CLSPN: variants seen among roughly 807,000 people sequenced by gnomAD.
The protein encoded by CLSPN is claspin, also known as claspin homolog.
Under a neutral mutation model 156.3 loss-of-function variants are expected in CLSPN, and 85 were observed. That is an observed-to-expected ratio of 0.54 (90% CI 0.46 to 0.65). The LOEUF (loss-of-function observed/expected upper bound fraction) is 0.65. Among genes scored for constraint, CLSPN ranks in the 30% least tolerant of loss-of-function variants. The probability of loss-of-function intolerance (pLI) is 0.00; values close to 1 mark genes in which losing one functional copy is unlikely to be tolerated. For missense variants in CLSPN, 1,407 were observed against 1,554.9 expected (o/e 0.90, Z 1.60); for synonymous variants, 534 against 542.4 (o/e 0.98, Z 0.22).
At position 35,735,792 on chromosome 1, in the gene CLSPN, G is replaced by A. The variant is rs1641449043; in HGVS notation, c.*704C>T. On this transcript the variant is annotated 3_prime_UTR_variant, in exon 25 of 25. Transcript: ENST00000318121. ...GGTGTAAAGGAGTCATTATGGTACT[G>A]ATTTTCACTGTTTAATCTGTAATGT... 1 of 985,046 alleles carries A rather than the reference G, an allele frequency of 1.0e-6. No individual in the cohort carries two copies. The highest frequency in any genetic ancestry group is 1.2e-6 in the Non-Finnish European group (1 of 829,888). The allele number at this position is 985,046 out of a possible 1,614,324, so 61.0% of individuals were successfully genotyped here. A position where few individuals can be genotyped will look rare whatever the true frequency, so the allele number is the denominator to read the frequency against.
intron 8 of CLSPN, among the ~76,000 whole-genome samples, chr1:35,754,612 G>T (rs1274254613): frequency 6.6e-6 from 1 of 152,166 alleles, no homozygotes; most frequent in Non-Finnish European, 1.5e-5. Context: ...CTCCCAAAGT[G>T]CTGGGATCAA....
chr1:35,731,590 G>A (rs1182373335), downstream of CLSPN, among the ~76,000 whole-genome samples: 1 of 152,160 alleles, frequency 6.6e-6, no homozygotes, highest in East Asian at 1.9e-4. Flanking sequence ...AAGTGGGGGG[G>A]TCAGGAGGCT....
In CLSPN at chr1:35,733,061, T is replaced by G; in HGVS notation, c.*3435A>C. ...CTCACTGCAACCTCTGCCTCCCAGG[T>G]TCAAGCAATTCTCTTGTCTCAGCCT... is the stretch of plus-strand genomic sequence containing the variant. On this transcript the variant is annotated 3_prime_UTR_variant, in exon 25 of 25. Coordinates refer to ENST00000318121, the MANE Select transcript of CLSPN (RefSeq NM_022111.4). The G allele has an allele frequency of 5.5e-6, 3 of 540,888 alleles. No homozygotes were observed. The highest frequency in any genetic ancestry group is 7.1e-6 in the Non-Finnish European group (3 of 424,456). 33.5% of individuals were successfully genotyped at this position (540,888 alleles called of 1,614,324 possible).
intron 8 of CLSPN, 119 bp from the exon 9 acceptor site, chr1:35,754,055 G>A: frequency 2.4e-6 from 2 of 836,896 alleles, no homozygotes; most frequent in Non-Finnish European, 1.8e-6. Flanking sequence ...CATACACAGA[G>A]AAACCAAAAA....
chr1:35,740,021 C>G (rs1475105076), intron 18 of CLSPN, among the ~76,000 whole-genome samples: 1 of 152,162 alleles, frequency 6.6e-6, no homozygotes, highest in African/African-American at 2.4e-5. Context: ...GGTAGCAGAG[C>G]CTGGATTCAA....
chr1:35,728,077 C>CTTTTTTTTTTTTTTT (rs59275877), downstream of CLSPN, among the ~76,000 whole-genome samples: 3 of 103,982 alleles, frequency 2.9e-5, no homozygotes, highest in Non-Finnish European at 1.9e-5. Context: ...AAACCACAAG[C>CTTTTTTTTTTTTTTT]TTTTTTTTTT....
Position 35,739,538 on chromosome 1 carries a change from C to T in CLSPN, c.3144-9G>A, listed in dbSNP as rs761774424. 1 of 1,607,162 alleles carries T rather than the reference C, an allele frequency of 6.2e-7. No individual in the cohort carries two copies. Among genetic ancestry groups the T allele is most frequent in the Non-Finnish European group, 8.5e-7 (1 of 1,177,060 alleles). On this transcript the variant is annotated splice_polypyrimidine_tract_variant and intron_variant, in intron 18 of 24. Transcript: ENST00000318121. ...GGTATTTCCTCAACCTCCTAGAAAG[C>T]AATTTTGAGGATTAGAAAATGCAAC...
chr1:35,748,068 C>T lies in CLSPN; in HGVS notation c.2473-7G>A, dbSNP rs1194019756. 3 of 1,595,392 alleles carry T rather than the reference C, an allele frequency of 1.9e-6. No individual in the cohort carries two copies. The highest frequency in any genetic ancestry group is 2.6e-6 in the Non-Finnish European group (3 of 1,174,832). On this transcript the variant is annotated splice_region_variant and splice_polypyrimidine_tract_variant and intron_variant, in intron 13 of 24. Transcript: ENST00000318121. Reference sequence around the variant, plus strand: ...CAGACAGTTTCCCTGAACTCTGGCACACAAACAAAAACAAACAATAACAAA... The same window carrying T: ...CAGACAGTTTCCCTGAACTCTGGCATACAAACAAAAACAAACAATAACAAA...
chr1:35,734,388 G>A lies in CLSPN; in HGVS notation c.*2108C>T. The A allele has an allele frequency of 1.0e-6, 1 of 985,146 alleles. No homozygotes were observed. Among genetic ancestry groups the A allele is most frequent in the Non-Finnish European group, 1.2e-6 (1 of 829,756 alleles). The allele number at this position is 985,146 out of a possible 1,614,324, so 61.0% of individuals were successfully genotyped here. On this transcript the variant is annotated 3_prime_UTR_variant, in exon 25 of 25. Coordinates refer to ENST00000318121, the MANE Select transcript of CLSPN (RefSeq NM_022111.4). Reference sequence around the variant, plus strand: ...TCAACATCTTGAGTATTAGAAAACTGTAGAAAACCGGCCGGGTGCGGTGGC... The same window carrying A: ...TCAACATCTTGAGTATTAGAAAACTATAGAAAACCGGCCGGGTGCGGTGGC...
At chr1:35,769,087 C>G (rs923785875) in intron 1 of CLSPN, among the ~76,000 whole-genome samples, 2 of 152,144 alleles carry the variant, frequency 1.3e-5, no homozygotes, top group East Asian at 1.9e-4. Flanking sequence ...TTTGTTTAAA[C>G]GTCTGATATT....
intron 16 of CLSPN, among the ~76,000 whole-genome samples, chr1:35,745,183 G>C (rs926595990): frequency 1.3e-5 from 2 of 152,046 alleles, no homozygotes; most frequent in Admixed American, 6.6e-5. Flanking sequence ...TAACACTCTT[G>C]GGGTTTTTCT....
At chr1:35,757,356 G>T (rs1014666899) in intron 8 of CLSPN, among the ~76,000 whole-genome samples, 1 of 152,188 alleles carries the variant, frequency 6.6e-6, no homozygotes, top group Non-Finnish European at 1.5e-5. Flanking sequence ...ATGAATGAAT[G>T]AATGAATGTT....
chr1:35,746,146 G>A lies in CLSPN; in HGVS notation c.2855-584C>T, dbSNP rs563116855. On this transcript the variant is annotated intron_variant, in intron 15 of 24. Coordinates refer to ENST00000318121, the MANE Select transcript of CLSPN (RefSeq NM_022111.4). This position sits in a 1 kb window ranked among gnomAD's most constrained non-coding sequence, Gnocchi z 4.2. ...ATTTTAGTAGAGACGGGGTTTCACC[G>A]TGCTGCCCAGGCTGGTGGCGAACTC... is the stretch of plus-strand genomic sequence containing the variant. Among the ~76,000 whole-genome samples, 5 of 151,990 alleles carry A rather than the reference G, an allele frequency of 3.3e-5. No homozygotes were observed. Among genetic ancestry groups the A allele is most frequent in the Admixed American group, 1.3e-4 (2 of 15,270 alleles).
Position 35,727,057 on chromosome 1 carries a change from C to G in CLSPN, c.3910-6077G>C, listed in dbSNP as rs147477758. Among the ~76,000 whole-genome samples the G allele has an allele frequency of 4.3e-3, 656 of 152,282 alleles. 1 individual carries two copies. Among genetic ancestry groups the G allele is most frequent in the Non-Finnish European group, 7.6e-3 (519 of 68,020 alleles). On this transcript the variant is annotated intron_variant, in intron 24 of 24. Transcript: ENST00000251195. The stretch of plus-strand genomic sequence containing the variant: ...TGGGCATAAAGAGACAGTATCCACA[C>G]CTCCAACGCTGGAAATCCATTGCAA...
At chr1:35,732,065 T>G (rs1192035146), downstream of CLSPN, 3 of 806,602 alleles carry the variant, frequency 3.7e-6, no homozygotes, top group Non-Finnish European at 4.5e-6. Flanking sequence ...CCCCAGCAAC[T>G]CTGAGACAGC....
intron 8 of CLSPN, 35 bp from the exon 9 acceptor site, chr1:35,753,971 C>T (rs372181667): frequency 6.2e-7 from 1 of 1,601,614 alleles, no homozygotes; most frequent in Non-Finnish European, 8.5e-7. Flanking sequence ...GTCAGTTTGC[C>T]ATGCTCAAAA....
At chr1:35,740,336 C>A (rs1450312631) in intron 18 of CLSPN, among the ~76,000 whole-genome samples, 1 of 152,130 alleles carries the variant, frequency 6.6e-6, no homozygotes, top group African/African-American at 2.4e-5. Context: ...TTCAAAGTCA[C>A]CTTGGTCCCA....
chr1:35,726,998 A>G (rs964781893), intron 24 of CLSPN, among the ~76,000 whole-genome samples: 8 of 152,180 alleles, frequency 5.3e-5, no homozygotes, highest in African/African-American at 1.4e-4. Context: ...GGAGCCTCAG[A>G]AGGGCAGGTG....
chr1:35,753,967 T>C, intron 8 of CLSPN, 31 bp from the exon 9 acceptor site: 1 of 1,606,212 alleles, frequency 6.2e-7, no homozygotes, highest in Non-Finnish European at 8.5e-7. Flanking sequence ...GTGTGTCAGT[T>C]TGCCATGCTC....
Sources: allele counts gnomAD v4.1 joint callset (sites outside exome capture counted in the v4.1 genomes callset), GRCh38; gene constraint gnomAD v4.1.1; non-coding constraint Gnocchi (gnomAD v3.1); transcripts MANE v1.5; gene names NCBI Gene and HGNC (gene_info 2026-07-23, HGNC 2026-07-21).